The following ZNF236 variants were observed in gnomAD, a reference collection of about 807,000 sequenced individuals.
ZNF236 encodes regulated by glucose.
A neutral mutation model predicts 191.2 loss-of-function variants in ZNF236; 50 were observed. The observed-to-expected ratio is 0.26, with a 90% CI of 0.21 to 0.33. The LOEUF (loss-of-function observed/expected upper bound fraction) is 0.33. Ranked by LOEUF, ZNF236 falls within the 10% of genes least tolerant of loss-of-function variation. The probability of loss-of-function intolerance (pLI) is 1.00; values close to 1 mark genes in which losing one functional copy is unlikely to be tolerated. For missense variants in ZNF236, 1,754 were observed against 2,374.5 expected, an observed-to-expected ratio of 0.74 and a Z score of 5.43; for synonymous variants, 907 against 928.8, an observed-to-expected ratio of 0.98 and a Z score of 0.43.
chr18:76,940,911 C>T (rs1159321633), intron 26 of ZNF236, among the ~76,000 whole-genome samples: 2 of 152,168 alleles, frequency 1.3e-5, no homozygotes, highest in Admixed American at 6.5e-5. Context: ...GTCAGATGAA[C>T]TGGGGCATTA....
chr18:76,965,669 C>T (rs756248640), intron 30 of ZNF236, among the ~76,000 whole-genome samples: 12 of 152,296 alleles, frequency 7.9e-5, no homozygotes, highest in Middle Eastern at 3.4e-3. Context: ...TTGGTCTAGC[C>T]GCCCAGCAAG....
In ZNF236 at chr18:76,935,693, A is replaced by G. The variant is rs539310768; in HGVS notation, c.4595-1463A>G. Among the ~76,000 whole-genome samples, 7 of 152,162 alleles carry G rather than the reference A, an allele frequency of 4.6e-5. No individual in the cohort carries two copies. In the East Asian group the frequency reaches 5.8e-4, roughly 13 times the overall value. On this transcript the variant is annotated intron_variant, in intron 25 of 30. Coordinates refer to ENST00000320610, the MANE Select transcript of ZNF236 (RefSeq NM_001306089.2). ...CACCTGCCCGCCCGCCCCAGTCTCTATGGTTTTGACCACTCATGTTAAAAA... is the reference window on the plus strand; with the variant it reads ...CACCTGCCCGCCCGCCCCAGTCTCTGTGGTTTTGACCACTCATGTTAAAAA...
intron 26 of ZNF236, among the ~76,000 whole-genome samples, chr18:76,944,239 G>T (rs1968205563): frequency 6.6e-6 from 1 of 152,176 alleles, no homozygotes; most frequent in African/African-American, 2.4e-5. Context: ...CTCTGCTGGG[G>T]CTTGGTGCTT....
rs1231401219 is a variant in ZNF236 at position 76,837,417 on chromosome 18, CT to C, written c.56-12102del. ...TGGTATGAAGTGAAGGTCTGAATTC[CT>C]TTTTTTCTTTTTCTTTTTCTTTTTT... On this transcript the variant is annotated intron_variant, in intron 1 of 30. Transcript: ENST00000320610. Among the ~76,000 whole-genome samples the C allele has an allele frequency of 4.2e-4, 61 of 143,992 alleles. No individual in the cohort carries two copies. The South Asian group carries it at 0.013, about 31-fold the overall frequency. 94.5% of individuals were successfully genotyped at this position (143,992 alleles called of 152,430 possible).
chr18:76,953,711 T>C (rs1333180818), intron 27 of ZNF236, among the ~76,000 whole-genome samples: 1 of 152,188 alleles, frequency 6.6e-6, no homozygotes, highest in East Asian at 1.9e-4. Context: ...AGAAGGGTGA[T>C]CATGTGCCCA....
chr18:76,876,644 G>A (rs921314544), intron 6 of ZNF236, among the ~76,000 whole-genome samples: 1 of 152,202 alleles, frequency 6.6e-6, no homozygotes, highest in Non-Finnish European at 1.5e-5. Context: ...AAGACCCAGA[G>A]ACATTAGGAA....
intron 3 of ZNF236, among the ~76,000 whole-genome samples, chr18:76,859,165 C>T (rs1300099002): frequency 3.5e-5 from 2 of 57,512 alleles, no homozygotes; most frequent in African/African-American, 1.4e-4. Flanking sequence ...CAGGTGGAGG[C>T]GGGTGCAGGT....
chr18:76,866,292 A>G (rs568469312), intron 3 of ZNF236, among the ~76,000 whole-genome samples: 1 of 152,338 alleles, frequency 6.6e-6, no homozygotes, highest in Admixed American at 6.5e-5. Context: ...TTGAGGGAAG[A>G]GCAGCGTTTT....
At chr18:76,829,908 G>A (rs539659680) in intron 1 of ZNF236, among the ~76,000 whole-genome samples, 29 of 152,248 alleles carry the variant, frequency 1.9e-4, no homozygotes, top group African/African-American at 7.0e-4. Context: ...GTCTCGCCCT[G>A]TTGCCAGGCT....
Position 76,925,046 on chromosome 18 carries a change from T to C in ZNF236, c.3662-143T>C. On this transcript the variant is annotated intron_variant, in intron 21 of 30. Transcript: ENST00000320610. The surrounding 1 kb of genome is among the most constrained non-coding windows in gnomAD (Gnocchi z 5.7). ...GCAATTGCCTGTGACGTCCGTAACA[T>C]CTTATAGGTGAAAGGGATTCTCATT... 1.6e-6 allele frequency: 2 copies of C among 1,269,960 alleles called. No homozygotes were observed. Among genetic ancestry groups the C allele is most frequent in the South Asian group, 2.9e-5 (2 of 68,800 alleles). The allele number at this position is 1,269,960 out of a possible 1,614,324, so 78.7% of individuals were successfully genotyped here. A position where few individuals can be genotyped will look rare whatever the true frequency, so the allele number is the denominator to read the frequency against.
chr18:76,825,115 A>G (rs1202428732), intron 1 of ZNF236, among the ~76,000 whole-genome samples: 1 of 152,052 alleles, frequency 6.6e-6, no homozygotes, highest in African/African-American at 2.4e-5. Flanking sequence ...CCTTGATGCC[A>G]CATTAGTTTT....
intron 9 of ZNF236, 25 bp from the exon 10 acceptor site, chr18:76,894,988 C>T (rs758264822): frequency 5.6e-6 from 9 of 1,602,980 alleles, no homozygotes; most frequent in South Asian, 4.4e-5. Context: ...CCAGGCCAAG[C>T]GGGACGTGTC....
At chr18:76,968,043 C>T (rs901394049) in intron 30 of ZNF236, among the ~76,000 whole-genome samples, 172 bp from the exon 31 acceptor site, 24 of 152,152 alleles carry the variant, frequency 1.6e-4, no homozygotes, top group African/African-American at 4.8e-4. Context: ...ACTGTCCTGC[C>T]GGCAGAGGTG....
chr18:76,907,473 C>T lies in ZNF236; in HGVS notation c.2298-847C>T, dbSNP rs1046821393. Among the ~76,000 whole-genome samples, 18 of 152,258 alleles carry T rather than the reference C, an allele frequency of 1.2e-4. No homozygotes were observed. The East Asian group carries it at 1.9e-3, about 16-fold the overall frequency. On this transcript the variant is annotated intron_variant, in intron 13 of 30. Coordinates refer to ENST00000320610, the MANE Select transcript of ZNF236 (RefSeq NM_001306089.2). ...CCTCCCAAGTAGCTGGGATTACAGG[C>T]GTGCACCCCTGCACCTGGCTAATTT... is the stretch of plus-strand genomic sequence containing the variant.
chr18:76,907,154 T>C (rs1395647046), intron 13 of ZNF236, among the ~76,000 whole-genome samples: 1 of 152,208 alleles, frequency 6.6e-6, no homozygotes, highest in African/African-American at 2.4e-5. Flanking sequence ...ATTTTTGTTC[T>C]CCCTTCCACA....
chr18:76,965,913 G>A (rs1968762049), intron 30 of ZNF236, among the ~76,000 whole-genome samples: 2 of 152,220 alleles, frequency 1.3e-5, no homozygotes, highest in African/African-American at 2.4e-5. Flanking sequence ...GGTAGTATAG[G>A]GAGGAACAGG....
At chr18:76,827,836 A>T (rs1400126458) in intron 1 of ZNF236, among the ~76,000 whole-genome samples, 36 of 152,148 alleles carry the variant, frequency 2.4e-4, no homozygotes, top group Admixed American at 2.4e-3. Flanking sequence ...TTTCTTTATC[A>T]TAATTATTTT....
chr18:76,887,883 G>C (rs1977104741), intron 9 of ZNF236: 1 of 152,058 alleles, frequency 6.6e-6, no homozygotes, highest in African/African-American at 2.4e-5. Flanking sequence ...ATTTGGGTGG[G>C]GACACAGAGC....
intron 25 of ZNF236, among the ~76,000 whole-genome samples, chr18:76,935,642 C>G (rs1967969954): frequency 6.6e-6 from 1 of 152,248 alleles, no homozygotes; most frequent in East Asian, 1.9e-4. Context: ...CCCGTCTTCC[C>G]TCTGTGCAAG....
Sources: gnomAD v4.1 joint callset for allele counts (sites outside exome capture counted in the v4.1 genomes callset) on GRCh38, gnomAD v4.1.1 for gene constraint, Gnocchi (gnomAD v3.1) non-coding constraint, MANE v1.5 for transcripts, NCBI Gene and HGNC (gene_info 2026-07-23, HGNC 2026-07-21) for gene names.